NLGN1: variants seen among roughly 807,000 people sequenced by gnomAD.
NLGN1 encodes the protein neuroligin 1, also known as neuroligin-1.
In NLGN1, 12 loss-of-function variants were observed where a neutral mutation model predicts 65.5. The observed-to-expected ratio is 0.18, with a 90% confidence interval of 0.12 to 0.30. The LOEUF (loss-of-function observed/expected upper bound fraction) is 0.30. Among genes scored for constraint, NLGN1 ranks in the 10% least tolerant of loss-of-function variants. The pLI, the probability that NLGN1 is intolerant of heterozygous loss-of-function variation, is 1.00. For synonymous variants in NLGN1, 350 were observed against 359.5 expected, an observed-to-expected ratio of 0.97 and a Z score of 0.30; for missense variants, 750 against 1,007.1, an observed-to-expected ratio of 0.74 and a Z score of 3.46.
intron 1 of NLGN1, among the ~76,000 whole-genome samples, chr3:173,419,451 G>A (rs757711100): frequency 2.6e-5 from 4 of 151,986 alleles, no homozygotes; most frequent in East Asian, 1.9e-4. Context: ...GTTTCTGGTC[G>A]GAGATTTTTT....
At chr3:173,576,304 T>C (rs575917203) in intron 2 of NLGN1, among the ~76,000 whole-genome samples, 1 of 152,332 alleles carries the variant, frequency 6.6e-6, no homozygotes, top group East Asian at 1.9e-4. Context: ...ATATCTTTAA[T>C]ATTTTTAAAT....
chr3:174,147,419 CTTTTTTTTTTTTT>C (rs574298501), intron 4 of NLGN1, among the ~76,000 whole-genome samples: 17 of 36,260 alleles, frequency 4.7e-4, no homozygotes, highest in African/African-American at 9.0e-4. Context: ...TGGCTCATGG[CTTTTTTTTTTTTT>C]TTTTTTTTTT....
At chr3:173,951,923 C>T (rs903612284) in intron 4 of NLGN1, among the ~76,000 whole-genome samples, 8 of 152,160 alleles carry the variant, frequency 5.3e-5, no homozygotes, top group Non-Finnish European at 7.4e-5. Flanking sequence ...AGTGTTAAAC[C>T]ATTTTGGTTA....
rs915875194 is a variant in NLGN1, at chr3:174,244,710, CA to C, written c.647-30602del. On this transcript the variant is annotated intron_variant, in intron 4 of 6. Transcript: ENST00000457714. ...TAGGTATATTGAGTCTTTTAAAAGG[CA>C]AATTTAAAGTGTTGCTAGTTTCTGA... Among the ~76,000 whole-genome samples, 119 of 152,130 alleles carry C rather than the reference CA, an allele frequency of 7.8e-4. 1 individual carries two copies. The highest frequency in any genetic ancestry group is 2.8e-3 in the African/African-American group (115 of 41,514).
intron 4 of NLGN1, among the ~76,000 whole-genome samples, chr3:174,142,212 A>G (rs1270706558): frequency 1.3e-5 from 2 of 152,198 alleles, no homozygotes; most frequent in East Asian, 1.9e-4. Context: ...TTGAGGGTCT[A>G]CATTTTGTTT....
At chr3:173,974,145 A>C (rs1271716113) in intron 4 of NLGN1, among the ~76,000 whole-genome samples, 1 of 151,840 alleles carries the variant, frequency 6.6e-6, no homozygotes, top group East Asian at 1.9e-4. Flanking sequence ...TAAAAGTCTC[A>C]TTGTGCATTT....
intron 2 of NLGN1, among the ~76,000 whole-genome samples, chr3:173,595,929 C>T (rs984009632): frequency 3.3e-5 from 5 of 152,166 alleles, no homozygotes; most frequent in Non-Finnish European, 5.9e-5. Flanking sequence ...GGGTCTGTCC[C>T]ACAACACGTG....
At chr3:174,010,727 G>T (rs1018519066) in intron 4 of NLGN1, among the ~76,000 whole-genome samples, 7 of 152,084 alleles carry the variant, frequency 4.6e-5, no homozygotes, top group African/African-American at 1.4e-4. Context: ...AAAATTTCTT[G>T]TCTCTGCATG....
At chr3:173,878,970 C>T (rs1313011201) in intron 4 of NLGN1, among the ~76,000 whole-genome samples, 4 of 151,952 alleles carry the variant, frequency 2.6e-5, no homozygotes, top group South Asian at 2.1e-4. Context: ...GGTGACTTAA[C>T]GCCTGTAATC....
intron 4 of NLGN1, among the ~76,000 whole-genome samples, chr3:173,819,305 C>G (rs1719700516): frequency 6.6e-6 from 1 of 152,148 alleles, no homozygotes; most frequent in Non-Finnish European, 1.5e-5. Flanking sequence ...ACACCACAAC[C>G]AGGCAAATTA....
intron 4 of NLGN1, among the ~76,000 whole-genome samples, chr3:174,084,435 T>G (rs1742868363): frequency 6.6e-6 from 1 of 152,116 alleles, no homozygotes; most frequent in African/African-American, 2.4e-5. Flanking sequence ...AAAATAAGAC[T>G]TTCTGCTCTC....
intron 4 of NLGN1, among the ~76,000 whole-genome samples, chr3:173,927,127 G>A (rs1006363552): frequency 3.3e-5 from 5 of 151,984 alleles, no homozygotes; most frequent in African/African-American, 4.8e-5. Flanking sequence ...GCAGTGGCAT[G>A]ATCTCGGCTC....
chr3:173,713,958 G>T (rs11915714), intron 3 of NLGN1, among the ~76,000 whole-genome samples: 65,623 of 151,828 alleles, frequency 0.43, 15,597 homozygotes, highest in African/African-American at 0.65. Flanking sequence ...TCCTAACAAA[G>T]TAGAGATAGC....
chr3:173,587,054 A>T (rs561291859), intron 2 of NLGN1, among the ~76,000 whole-genome samples: 30 of 152,306 alleles, frequency 2.0e-4, no homozygotes, highest in African/African-American at 7.0e-4. Flanking sequence ...ATAAAAATAG[A>T]TAGATAATTT....
At chr3:174,014,873 A>G (rs951195762) in intron 4 of NLGN1, among the ~76,000 whole-genome samples, 4 of 152,140 alleles carry the variant, frequency 2.6e-5, no homozygotes, top group Admixed American at 6.5e-5. Flanking sequence ...CCCCAAGTAG[A>G]GGCTTCATAA....
intron 2 of NLGN1, among the ~76,000 whole-genome samples, chr3:173,468,732 C>A (rs1267284356): frequency 6.6e-6 from 1 of 152,002 alleles, no homozygotes; most frequent in African/African-American, 2.4e-5. Context: ...CCTGGGATAT[C>A]AAGAAGGTTC....
chr3:173,947,921 TCTCA>T (rs1747491268), intron 4 of NLGN1, among the ~76,000 whole-genome samples: 1 of 152,202 alleles, frequency 6.6e-6, no homozygotes, highest in South Asian at 2.1e-4. Flanking sequence ...GATTTCTTCA[TCTCA>T]CTCAATGGTA....
chr3:173,783,904 T>A (rs954583639), intron 3 of NLGN1, among the ~76,000 whole-genome samples: 1 of 152,188 alleles, frequency 6.6e-6, no homozygotes, highest in Non-Finnish European at 1.5e-5. Context: ...CATGTTACAA[T>A]GTTTTTTTGA....
chr3:173,968,113 T>A (rs1298508901), intron 4 of NLGN1, among the ~76,000 whole-genome samples: 1 of 152,156 alleles, frequency 6.6e-6, no homozygotes, highest in Non-Finnish European at 1.5e-5. Flanking sequence ...TATAATAAAG[T>A]GTAAAATTTC....
Sources: gnomAD v4.1 joint callset for allele counts (sites outside exome capture counted in the v4.1 genomes callset) on GRCh38, gnomAD v4.1.1 for gene constraint, MANE v1.5 for transcripts, NCBI Gene and HGNC (gene_info 2026-07-23, HGNC 2026-07-21) for gene names.